Variants in TRPM7 observed in about 807,000 individuals in gnomAD.
The protein encoded by TRPM7 is LTRPC ion channel family member 7.
TRPM7 carries 134 observed loss-of-function variants against 229.7 expected under a neutral mutation model. The ratio of observed to expected loss-of-function variants is 0.58; its 90% CI spans 0.51 to 0.67. The LOEUF is 0.67. TRPM7 is among the 30% of genes least tolerant of loss of function. The pLI is 0.00. For missense variants in TRPM7, 1,901 were observed against 2,210.0 expected (o/e 0.86, Z 2.80); for synonymous variants, 699 against 715.2 (o/e 0.98, Z 0.36).
chr15:50,660,945 G>T (rs963812797), intron 2 of TRPM7, among the ~76,000 whole-genome samples: 1 of 151,110 alleles, frequency 6.6e-6, no homozygotes, highest in Admixed American at 6.6e-5. Context: ...ATAAATTGTG[G>T]TATACACAAT....
At chr15:50,580,984 T>C (rs2054377822) in intron 29 of TRPM7, 76 bp from the exon 30 acceptor site, 1 of 1,449,086 alleles carries the variant, frequency 6.9e-7, no homozygotes, top group Non-Finnish European at 9.2e-7. Context: ...ACGGTTTAAC[T>C]TTTTTTCTTA....
At chr15:50,649,946 G>A (rs1006095360) in intron 3 of TRPM7, among the ~76,000 whole-genome samples, 1 of 152,020 alleles carries the variant, frequency 6.6e-6, no homozygotes, top group Non-Finnish European at 1.5e-5. Context: ...TGTAATCCCA[G>A]CACTTTGGGA....
intron 38 of TRPM7, among the ~76,000 whole-genome samples, chr15:50,568,194 ACAT>A (rs2053703055): frequency 6.6e-6 from 1 of 151,830 alleles, no homozygotes; most frequent in South Asian, 2.1e-4. Context: ...CTTAAAGTTA[ACAT>A]CATCTTAATG....
In TRPM7 at chr15:50,628,146, T is replaced by C. The variant is rs747534831; in HGVS notation, c.1305+3A>G. ...GTATTGTGTATGTAGATTATTTACA[T>C]ACCAGCCACTGCTGTCCATAAACAA... On this transcript the variant is annotated splice_donor_region_variant and intron_variant, in intron 11 of 38. Transcript: ENST00000646667. 6.3e-7 allele frequency: 1 copy of C among 1,593,600 alleles called. No individual in the cohort carries two copies. Among genetic ancestry groups the C allele is most frequent in the African/African-American group, 1.3e-5 (1 of 74,476 alleles).
At position 50,578,683 on chromosome 15, in the gene TRPM7, A is replaced by G. The variant is rs764042542; in HGVS notation, c.4593-19T>C. 9 of 1,603,300 alleles carry G rather than the reference A, an allele frequency of 5.6e-6. No individual in the cohort carries two copies. Among genetic ancestry groups the G allele is most frequent in the Non-Finnish European group, 7.7e-6 (9 of 1,172,986 alleles). On this transcript the variant is annotated intron_variant, in intron 30 of 38. Coordinates refer to ENST00000646667, the MANE Select transcript of TRPM7 (RefSeq NM_017672.6). ...AGATGGCCTAAAGAAACACCAAAAA[A>G]TATAGTATAAGCTGTGCTATGATTT...
intron 5 of TRPM7, among the ~76,000 whole-genome samples, 173 bp from the exon 6 acceptor site, chr15:50,639,721 G>C (rs1022238385): frequency 5.3e-5 from 8 of 150,302 alleles, no homozygotes; most frequent in Non-Finnish European, 1.2e-4. Context: ...TGCGTGCTAA[G>C]ACAGCCGGCT....
chr15:50,610,066 G>T, intron 17 of TRPM7, 105 bp from the exon 18 acceptor site: 1 of 887,364 alleles, frequency 1.1e-6, no homozygotes, highest in Non-Finnish European at 1.6e-6. Flanking sequence ...TAAATATCTT[G>T]TGATTAGCCA....
intron 2 of TRPM7, among the ~76,000 whole-genome samples, chr15:50,662,607 A>G (rs2061755470): frequency 1.3e-5 from 2 of 152,152 alleles, no homozygotes; most frequent in African/African-American, 4.8e-5. Flanking sequence ...TACCCAGTAG[A>G]TGCCCAATAG....
At chr15:50,654,229 T>G (rs1007554943) in intron 3 of TRPM7, among the ~76,000 whole-genome samples, 1 of 144,110 alleles carries the variant, frequency 6.9e-6, no homozygotes, top group Admixed American at 6.8e-5. Flanking sequence ...GCGGATCACC[T>G]GAGGTCAGGA....
intron 20 of TRPM7, 40 bp downstream of exon 20, chr15:50,607,160 T>TA: frequency 6.3e-7 from 1 of 1,577,608 alleles, no homozygotes; most frequent in East Asian, 2.2e-5. Context: ...ATCTTCCATG[T>TA]ATACAGTAAA....
At chr15:50,568,001 C>T (rs1424431514) in intron 38 of TRPM7, among the ~76,000 whole-genome samples, 1 of 150,026 alleles carries the variant, frequency 6.7e-6, no homozygotes, top group Non-Finnish European at 1.5e-5. Flanking sequence ...ATGGCGTGAA[C>T]CCGGGAGGTG....
At chr15:50,563,331 T>C (rs1456365691) in intron 38 of TRPM7, among the ~76,000 whole-genome samples, 1 of 152,192 alleles carries the variant, frequency 6.6e-6, no homozygotes, top group Admixed American at 6.5e-5. Flanking sequence ...ATACAAGCTA[T>C]GATGAGAAGT....
chr15:50,588,822 T>G (rs1352015788), intron 27 of TRPM7, among the ~76,000 whole-genome samples: 1 of 152,210 alleles, frequency 6.6e-6, no homozygotes, highest in East Asian at 1.9e-4. Flanking sequence ...ACACCTTTTT[T>G]GCCAGCTGTT....
intron 1 of TRPM7, among the ~76,000 whole-genome samples, chr15:50,679,302 T>A (rs1200510070): frequency 6.7e-6 from 1 of 149,326 alleles, no homozygotes; most frequent in African/African-American, 2.5e-5. Context: ...GTCACTGCAC[T>A]CTGACATGGG....
chr15:50,599,082 A>G lies in TRPM7; in HGVS notation c.3163+40T>C, dbSNP rs758538369. On this transcript the variant is annotated intron_variant, in intron 22 of 38. Transcript: ENST00000646667. ...AATTCAATATTGGTTTTAAAACACA[A>G]AATAACCAAAAGATAAATCTGTAAA... 7 of 1,465,758 alleles carry G rather than the reference A, an allele frequency of 4.8e-6. No individual in the cohort carries two copies. In the East Asian group the frequency reaches 1.4e-4, roughly 29 times the overall value. 90.8% of individuals were successfully genotyped at this position (1,465,758 alleles called of 1,614,324 possible). A position where few individuals can be genotyped will look rare whatever the true frequency, so the allele number is the denominator to read the frequency against.
intron 38 of TRPM7, among the ~76,000 whole-genome samples, chr15:50,565,565 T>C (rs1213319841): frequency 2.0e-5 from 3 of 152,166 alleles, no homozygotes; most frequent in Non-Finnish European, 2.9e-5. Context: ...TATATGTGTA[T>C]GCATCTAAGA....
chr15:50,625,195 A>G (rs1321527196), intron 11 of TRPM7, among the ~76,000 whole-genome samples: 1 of 152,076 alleles, frequency 6.6e-6, no homozygotes, highest in Non-Finnish European at 1.5e-5. Flanking sequence ...ATTTCTGTGT[A>G]TTTTAAGTAT....
chr15:50,629,640 A>G (rs1217819727), intron 10 of TRPM7, among the ~76,000 whole-genome samples: 1 of 152,086 alleles, frequency 6.6e-6, no homozygotes, highest in Non-Finnish European at 1.5e-5. Context: ...TCTAAGAGGT[A>G]GTCATCTTTT....
intron 12 of TRPM7, among the ~76,000 whole-genome samples, chr15:50,623,309 G>C (rs1488622816): frequency 6.6e-6 from 1 of 151,894 alleles, no homozygotes; most frequent in Non-Finnish European, 1.5e-5. Flanking sequence ...CTACCTGGGA[G>C]GCTGAGGCAG....
Sources: gnomAD v4.1 joint callset for allele counts (sites outside exome capture counted in the v4.1 genomes callset) on GRCh38, gnomAD v4.1.1 for gene constraint, MANE v1.5 for transcripts, NCBI Gene and HGNC (gene_info 2026-07-23, HGNC 2026-07-21) for gene names.